Variants in ANKRD22 observed in about 807,000 individuals in gnomAD.
ANKRD22 encodes ankyrin repeat domain-containing protein 22.
ANKRD22 carries 24 observed loss-of-function variants against 25.7 expected under a neutral mutation model. That is an observed-to-expected ratio of 0.93 (90% confidence interval 0.68 to 1.31). ANKRD22 has a LOEUF of 1.31. Ranked by LOEUF, ANKRD22 falls within the 50% of genes most tolerant of loss-of-function variation. The probability of loss-of-function intolerance (pLI) is 0.00; values close to 1 mark genes in which losing one functional copy is unlikely to be tolerated. For missense variants in ANKRD22, 214 were observed against 227.1 expected (o/e 0.94, Z 0.37); for synonymous variants, 84 against 84.3 (o/e 1.00, Z 0.02).
chr10:88,849,639 A>G (rs994703421), intron 1 of ANKRD22, among the ~76,000 whole-genome samples: 2 of 152,182 alleles, frequency 1.3e-5, no homozygotes, highest in African/African-American at 4.8e-5. Context: ...GCTGTATTAA[A>G]TGAGTTAATA....
At chr10:88,838,686 G>A (rs1489678073) in intron 1 of ANKRD22, among the ~76,000 whole-genome samples, 7 of 152,062 alleles carry the variant, frequency 4.6e-5, no homozygotes, top group Non-Finnish European at 1.0e-4. Context: ...CAGGGAGGTG[G>A]AAGTGGGCCC....
intron 4 of ANKRD22, chr10:88,823,598 C>G (rs930320414): frequency 4.7e-6 from 2 of 429,202 alleles, no homozygotes; most frequent in Non-Finnish European, 8.6e-6. Flanking sequence ...GAGGCCGAGG[C>G]GGGCGGATCA....
At chr10:88,838,288 G>A (rs577178683) in intron 1 of ANKRD22, among the ~76,000 whole-genome samples, 141 of 152,236 alleles carry the variant, frequency 9.3e-4, no homozygotes, top group African/African-American at 3.2e-3. Flanking sequence ...AAAGTGAAGA[G>A]GGCAAGAGCA....
intron 1 of ANKRD22, among the ~76,000 whole-genome samples, chr10:88,832,928 A>G (rs1197827693): frequency 2.0e-5 from 3 of 152,186 alleles, no homozygotes; most frequent in Non-Finnish European, 4.4e-5. Flanking sequence ...TGCATAAAAC[A>G]CACCACCTGC....
intron 1 of ANKRD22, among the ~76,000 whole-genome samples, chr10:88,846,675 C>A (rs2133082514): frequency 6.6e-6 from 1 of 152,286 alleles, no homozygotes; most frequent in African/African-American, 2.4e-5. Flanking sequence ...AGAATTCAAG[C>A]TTTTGCCTAT....
intron 1 of ANKRD22, among the ~76,000 whole-genome samples, chr10:88,838,536 G>T (rs528102403): frequency 3.3e-5 from 5 of 152,282 alleles, no homozygotes; most frequent in Non-Finnish European, 7.4e-5. Context: ...ACTCTGTCTA[G>T]GGATGAGAAG....
At chr10:88,848,462 C>T (rs970154762) in intron 1 of ANKRD22, among the ~76,000 whole-genome samples, 153 of 152,020 alleles carry the variant, frequency 1.0e-3, no homozygotes, top group Non-Finnish European at 1.1e-3. Flanking sequence ...GGGATGAAAA[C>T]GCCTGATGCT....
At chr10:88,823,680 T>C (rs1843823760) in intron 4 of ANKRD22, among the ~76,000 whole-genome samples, 1 of 151,874 alleles carries the variant, frequency 6.6e-6, no homozygotes, top group South Asian at 2.1e-4. Context: ...TACAAAAAAT[T>C]AGCCGGGCGC....
intron 1 of ANKRD22, among the ~76,000 whole-genome samples, chr10:88,841,379 GA>G (rs1056541175): frequency 2.7e-5 from 4 of 150,498 alleles, no homozygotes; most frequent in African/African-American, 4.9e-5. Context: ...GGGAGTAAGA[GA>G]AAAAAAAAGA....
intron 4 of ANKRD22, among the ~76,000 whole-genome samples, chr10:88,825,415 T>C (rs1589322019): frequency 6.6e-6 from 1 of 152,268 alleles, no homozygotes; most frequent in Admixed American, 6.5e-5. Context: ...CGGATGCTGC[T>C]ACTGTTGTTA....
Position 88,851,785 on chromosome 10 carries a change from G to A in ANKRD22, c.-178C>T, listed in dbSNP as rs999860691. The A allele has an allele frequency of 9.3e-6, 6 of 642,554 alleles. No individual in the cohort carries two copies. The highest frequency in any genetic ancestry group is 9.1e-5 in the African/African-American group (5 of 55,100). 39.8% of individuals were successfully genotyped at this position (642,554 alleles called of 1,614,324 possible). ...TGTCAGTGCTTTTCCAGCAGCTCAG[G>A]CAGCAGCACACCTTCCAGAGAGCCC... On this transcript the variant is annotated 5_prime_UTR_variant, in exon 1 of 6. Transcript: ENST00000371930.
At chr10:88,824,997 T>A (rs1843838688) in intron 4 of ANKRD22, among the ~76,000 whole-genome samples, 1 of 81,634 alleles carries the variant, frequency 1.2e-5, no homozygotes, top group Admixed American at 1.4e-4. Flanking sequence ...TCTCTCTCTC[T>A]CTCTCTCTCT....
At chr10:88,838,671 T>C (rs1843977686) in intron 1 of ANKRD22, among the ~76,000 whole-genome samples, 8 of 152,140 alleles carry the variant, frequency 5.3e-5, no homozygotes, top group Admixed American at 5.2e-4. Flanking sequence ...GGGGAACTTG[T>C]GTTCCAGGGA....
At chr10:88,850,394 C>T (rs1191470983) in intron 1 of ANKRD22, among the ~76,000 whole-genome samples, 1 of 152,106 alleles carries the variant, frequency 6.6e-6, no homozygotes, top group Non-Finnish European at 1.5e-5. Context: ...ACAAGACCTT[C>T]AGAAGATCTG....
Position 88,822,927 on chromosome 10 carries a change from T to C in ANKRD22, c.*14A>G, listed in dbSNP as rs747103442. The C allele has an allele frequency of 1.4e-5, 23 of 1,597,762 alleles. No individual in the cohort carries two copies. Among genetic ancestry groups the C allele is most frequent in the Non-Finnish European group, 2.0e-5 (23 of 1,165,778 alleles). ...TTAACTTTTTCTGTATCTCCATCGG[T>C]GTGGTCACAAGGATTACAATGCTTT... On this transcript the variant is annotated 3_prime_UTR_variant, in exon 6 of 6. Transcript: ENST00000371930.
At position 88,820,225 on chromosome 10, in the gene ANKRD22, T is replaced by C; in HGVS notation, c.*2716A>G. 4 of 1,545,680 alleles carry C rather than the reference T, an allele frequency of 2.6e-6. No homozygotes were observed. Among genetic ancestry groups the C allele is most frequent in the South Asian group, 2.4e-5 (2 of 83,568 alleles). Reference sequence around the variant, plus strand: ...ACCTAGAGTTAAGAACTATTCCTTTTCTCTAGCCAACTCCTGTAAGGTACA... The same window carrying C: ...ACCTAGAGTTAAGAACTATTCCTTTCCTCTAGCCAACTCCTGTAAGGTACA... On this transcript the variant is annotated 3_prime_UTR_variant, in exon 6 of 6. Coordinates refer to ENST00000371930, the MANE Select transcript of ANKRD22 (RefSeq NM_144590.3).
intron 4 of ANKRD22, among the ~76,000 whole-genome samples, chr10:88,823,807 G>T (rs1165406132): frequency 8.1e-6 from 1 of 123,580 alleles, no homozygotes; most frequent in South Asian, 2.5e-4. Flanking sequence ...CAGCCTGGGC[G>T]ACAGAGCGAG....
At position 88,835,477 on chromosome 10, in the gene ANKRD22, A is replaced by G; in HGVS notation, c.22-3451T>C. Reference sequence around the variant, plus strand: ...TACACAAACCTAGATGGTAGAGCCTATTACTAATATGGTATAGCCTGTGGC... The same window carrying G: ...TACACAAACCTAGATGGTAGAGCCTGTTACTAATATGGTATAGCCTGTGGC... On this transcript the variant is annotated intron_variant, in intron 1 of 5. Transcript: ENST00000371930. Among the ~76,000 whole-genome samples the G allele has an allele frequency of 1.3e-5, 2 of 152,214 alleles. 1 individual carries two copies. The highest frequency in any genetic ancestry group is 2.9e-5 in the Non-Finnish European group (2 of 68,034).
In ANKRD22 at chr10:88,822,540, A is replaced by AG. The variant is rs1249810117; in HGVS notation, c.*400dup. The AG allele has an allele frequency of 8.8e-5, 2 of 22,796 alleles. No individual in the cohort carries two copies. Among genetic ancestry groups the AG allele is most frequent in the African/African-American group, 4.7e-4 (2 of 4,218 alleles). The allele number at this position is 22,796 out of a possible 1,614,324, so 1.4% of individuals were successfully genotyped here. ...CAGGAAAGACTGAGTTTGGAACACC[A>AG]GGGCTTTTTTTTTTTTTTTTTTTTT... On this transcript the variant is annotated 3_prime_UTR_variant, in exon 6 of 6. Coordinates refer to ENST00000371930, the MANE Select transcript of ANKRD22 (RefSeq NM_144590.3).
Sources: gnomAD v4.1 joint callset for allele counts (sites outside exome capture counted in the v4.1 genomes callset) on GRCh38, gnomAD v4.1.1 for gene constraint, MANE v1.5 for transcripts, NCBI Gene and HGNC (gene_info 2026-07-23, HGNC 2026-07-21) for gene names.